The following USP28 variants were observed in gnomAD, a reference collection of about 807,000 sequenced individuals.
USP28 encodes the protein ubiquitin specific peptidase 28.
Under a neutral mutation model 145.0 loss-of-function variants are expected in USP28, and 113 were observed. The ratio of observed to expected loss-of-function variants is 0.78; its 90% CI spans 0.67 to 0.91. The LOEUF is 0.91. USP28 is among the 40% of genes least tolerant of loss of function. The pLI, the probability that USP28 is intolerant of heterozygous loss-of-function variation, is 0.00. For missense variants in USP28, 1,201 were observed against 1,289.6 expected (o/e 0.93, Z 1.05); for synonymous variants, 447 against 450.9 (o/e 0.99, Z 0.11).
exon 25 of USP28, chr11:113,799,288 T>C: frequency 6.2e-7 from 1 of 1,614,064 alleles, no homozygotes; most frequent in Non-Finnish European, 8.5e-7. Context: ...CCATGACAGC[T>C]GCAAATCGGC....
At position 113,808,339 on chromosome 11, in the gene USP28, G is replaced by A. The variant is rs1179846025; in HGVS notation, c.2263C>T (p.Arg755Cys). ...TCTACACCGCTCTTCTCATAGGCAC[G>A]GGCTGTGTTTGCAATAGCCTGGGCA... is the stretch of plus-strand genomic sequence containing the variant. The change falls in exon 18 of 25, where the codon CGT becomes TGT. Residue 755 changes from arginine to cysteine, a missense_variant. Arg to Cys is a radical substitution (Grantham distance 180, BLOSUM62 -3). Coordinates refer to ENST00000003302, the Ensembl canonical transcript of USP28. The A allele has an allele frequency of 1.9e-5, 31 of 1,613,608 alleles. No individual in the cohort carries two copies. Among genetic ancestry groups the A allele is most frequent in the South Asian group, 3.3e-5 (3 of 91,060 alleles).
chr11:113,859,674 A>T (rs1947438415), intron 1 of USP28, among the ~76,000 whole-genome samples: 1 of 152,022 alleles, frequency 6.6e-6, no homozygotes, highest in Admixed American at 6.6e-5. Context: ...TTACTAACTC[A>T]CTTCACCTGA....
At chr11:113,859,433 A>C (rs1947408334) in intron 1 of USP28, 1 of 152,168 alleles carries the variant, frequency 6.6e-6, no homozygotes, top group Non-Finnish European at 1.5e-5. Context: ...CAAATTCATG[A>C]AGTGTTCCAT....
At chr11:113,805,080 T>C (rs1326078409) in intron 19 of USP28, 34 bp from the exon 21 acceptor site, 1 of 1,604,514 alleles carries the variant, frequency 6.2e-7, no homozygotes, top group Non-Finnish European at 8.5e-7. Context: ...TAGAAAATAG[T>C]GTGCTGTGGG....
intron 1 of USP28, among the ~76,000 whole-genome samples, chr11:113,875,241 G>T (rs1318227343): frequency 1.3e-5 from 2 of 152,060 alleles, no homozygotes; most frequent in Non-Finnish European, 2.9e-5. Context: ...GCTCGCCCAC[G>T]GACGCGAAGA....
exon 19 of USP28, chr11:113,806,581 T>G: frequency 6.4e-7 from 1 of 1,570,542 alleles, no homozygotes; most frequent in Non-Finnish European, 8.6e-7. Context: ...GGGCTCAGCA[T>G]CACCTACCAC....
chr11:113,825,579 A>G (rs1330863283), intron 11 of USP28, among the ~76,000 whole-genome samples: 2 of 152,248 alleles, frequency 1.3e-5, no homozygotes, highest in African/African-American at 4.8e-5. Flanking sequence ...ATAATAGCCT[A>G]AAACTAGATA....
At chr11:113,873,495 T>G (rs970518961) in intron 1 of USP28, among the ~76,000 whole-genome samples, 1 of 152,168 alleles carries the variant, frequency 6.6e-6, no homozygotes, top group Non-Finnish European at 1.5e-5. Flanking sequence ...AAACGGAGAA[T>G]GCTGAAATAG....
chr11:113,853,878 CA>C (rs57739058), intron 2 of USP28, among the ~76,000 whole-genome samples: 28 of 123,198 alleles, frequency 2.3e-4, no homozygotes, highest in African/African-American at 5.7e-4. Flanking sequence ...GACTCCATCT[CA>C]AAAAAAAAAA....
At chr11:113,829,426 T>C (rs746694469) in intron 9 of USP28, 81 bp from the exon 10 acceptor site, 2 of 1,549,684 alleles carry the variant, frequency 1.3e-6, no homozygotes, top group South Asian at 2.4e-5. Flanking sequence ...AGAGACAACA[T>C]TTTAAATTCA....
chr11:113,805,118 G>C, intron 19 of USP28, 72 bp from the exon 21 acceptor site: 44 of 1,360,976 alleles, frequency 3.2e-5, no homozygotes, highest in Middle Eastern at 2.2e-4. Context: ...TGATGCCTAG[G>C]AGCTAGGCAG....
intron 1 of USP28, among the ~76,000 whole-genome samples, chr11:113,865,140 C>T (rs1023703752): frequency 1.1e-4 from 16 of 152,074 alleles, no homozygotes; most frequent in Non-Finnish European, 1.6e-4. Flanking sequence ...CGTCTGGCCA[C>T]GAAGACTTAA....
chr11:113,850,106 A>G (rs144891602), intron 3 of USP28, among the ~76,000 whole-genome samples: 219 of 152,276 alleles, frequency 1.4e-3, no homozygotes, highest in African/African-American at 5.1e-3. Flanking sequence ...CAATTTCCCA[A>G]TCTAAGATAA....
chr11:113,801,754 G>C (rs984108306), intron 23 of USP28, 76 bp from the exon 25 acceptor site: 18 of 1,293,356 alleles, frequency 1.4e-5, no homozygotes, highest in Non-Finnish European at 1.9e-5. Flanking sequence ...GTCTAAACAA[G>C]TGGTTCCCAA....
chr11:113,812,586 ATG>A (rs1941173880), intron 15 of USP28, 82 bp from the exon 16 acceptor site: 1 of 1,235,282 alleles, frequency 8.1e-7, no homozygotes, highest in African/African-American at 1.5e-5. Flanking sequence ...ATTACTGTTT[ATG>A]ATGTGATTAA....
rs762185490 is a variant in USP28, at chr11:113,830,957, A to G, written c.834-14T>C. ...TTCCTGGGACTGCTGCTTTTAGGAA[A>G]AGGAGACAATTCTGGATTGTTTGGA... is the stretch of plus-strand genomic sequence containing the variant. On this transcript the variant is annotated splice_polypyrimidine_tract_variant and intron_variant, in intron 8 of 24. Coordinates refer to ENST00000003302, the Ensembl canonical transcript of USP28. 5 of 1,612,008 alleles carry G rather than the reference A, an allele frequency of 3.1e-6. No homozygotes were observed. The Admixed American group carries it at 8.3e-5, about 27-fold the overall frequency.
rs191711100 is a variant in USP28 at position 113,841,947 on chromosome 11, G to C, written c.269-179C>G. Among the ~76,000 whole-genome samples, 8 of 152,264 alleles carry C rather than the reference G, an allele frequency of 5.3e-5. No individual in the cohort carries two copies. The East Asian group carries it at 1.5e-3, about 29-fold the overall frequency. On this transcript the variant is annotated intron_variant, in intron 3 of 24. Coordinates refer to ENST00000003302, the Ensembl canonical transcript of USP28. ...TAACTTCGGCTACACTGTAACCTTA[G>C]ACTAGCCCACAGTACAGAAATAACA...
chr11:113,833,186 C>T (rs1277160336), intron 7 of USP28, among the ~76,000 whole-genome samples: 4 of 152,180 alleles, frequency 2.6e-5, no homozygotes. Flanking sequence ...CTTTCTACTA[C>T]TATTTCTTCT....
chr11:113,823,694 C>A, exon 12 of USP28: 1 of 1,604,670 alleles, frequency 6.2e-7, no homozygotes, highest in Non-Finnish European at 8.5e-7. Context: ...TGCTCCTGTA[C>A]ATGTACCTAA....
Sources: gnomAD v4.1 joint callset for allele counts (sites outside exome capture counted in the v4.1 genomes callset) on GRCh38, gnomAD v4.1.1 for gene constraint, MANE v1.5 for transcripts, NCBI Gene and HGNC (gene_info 2026-07-23, HGNC 2026-07-21) for gene names.